Variants in CPED1 observed in about 807,000 individuals in gnomAD.
CPED1 encodes cadherin-like and PC-esterase domain-containing protein 1.
In CPED1, 114 loss-of-function variants were observed where a neutral mutation model predicts 128.2. The observed-to-expected ratio is 0.89, with a 90% CI of 0.76 to 1.04. CPED1 has a LOEUF of 1.04. Ranked by LOEUF, CPED1 falls within the 50% of genes least tolerant of loss-of-function variation. CPED1 has a pLI of 0.00. For missense variants in CPED1, 1,211 were observed against 1,207.1 expected, an observed-to-expected ratio of 1.00 and a Z score of -0.05; for synonymous variants, 462 against 426.7, an observed-to-expected ratio of 1.08 and a Z score of -1.02.
intron 16 of CPED1, among the ~76,000 whole-genome samples, chr7:121,216,839 T>G (rs1797769993): frequency 6.6e-6 from 1 of 152,042 alleles, no homozygotes; most frequent in South Asian, 2.1e-4. Context: ...TCCACAGCAA[T>G]TATCATATTT....
chr7:121,093,583 C>G (rs1794628134), intron 5 of CPED1, among the ~76,000 whole-genome samples: 1 of 152,166 alleles, frequency 6.6e-6, no homozygotes, highest in African/African-American at 2.4e-5. Flanking sequence ...CCTCCACAGA[C>G]TGCATCCACA....
intron 16 of CPED1, among the ~76,000 whole-genome samples, chr7:121,230,456 A>G (rs1798109998): frequency 6.6e-6 from 1 of 152,008 alleles, no homozygotes; most frequent in Non-Finnish European, 1.5e-5. Flanking sequence ...AATAAGAGAT[A>G]TTTTCTTCTT....
Position 121,124,960 on chromosome 7 carries a change from G to A in CPED1, c.1061+487G>A, listed in dbSNP as rs185714425. On this transcript the variant is annotated intron_variant, in intron 8 of 22. Transcript: ENST00000310396. ...TTGTTCTAAGGAAATGTTAAATCTC[G>A]TACGTCAAAAAGTGGGGGAAGCACA... Among the ~76,000 whole-genome samples, 13 of 152,082 alleles carry A rather than the reference G, an allele frequency of 8.5e-5. 1 individual carries two copies. The highest frequency in any genetic ancestry group is 2.2e-4 in the African/African-American group (9 of 41,500).
Position 121,064,322 on chromosome 7 carries a change from T to C in CPED1, c.616+9T>C, listed in dbSNP as rs1222342617. On this transcript the variant is annotated intron_variant, in intron 5 of 22. Transcript: ENST00000310396. ...AGTTAGAAGATTCCCAGGTAATCTT[T>C]CGTTTGCTTCCTTAGGCTTAAACAT... 2.5e-6 allele frequency: 4 copies of C among 1,599,568 alleles called. No individual in the cohort carries two copies. The South Asian group carries it at 3.3e-5, about 13-fold the overall frequency.
At chr7:121,049,329 AAGG>A (rs1206127237) in intron 4 of CPED1, among the ~76,000 whole-genome samples, 7 of 152,180 alleles carry the variant, frequency 4.6e-5, no homozygotes, top group African/African-American at 1.7e-4. Context: ...TGCAACCAAG[AAGG>A]AGGTGTCCTT....
chr7:121,183,868 A>C (rs999659127), intron 16 of CPED1, among the ~76,000 whole-genome samples: 1 of 152,148 alleles, frequency 6.6e-6, no homozygotes, highest in Non-Finnish European at 1.5e-5. Flanking sequence ...ACTGTTTTCC[A>C]TACTTCTTTA....
At chr7:121,138,930 C>CG (rs1404063932) in intron 14 of CPED1, among the ~76,000 whole-genome samples, 3 of 151,614 alleles carry the variant, frequency 2.0e-5, no homozygotes, top group Non-Finnish European at 4.4e-5. Flanking sequence ...GTGCTTATCT[C>CG]GGGGTCTTTA....
At chr7:121,258,344 A>G (rs1208261908) in intron 18 of CPED1, among the ~76,000 whole-genome samples, 1 of 152,098 alleles carries the variant, frequency 6.6e-6, no homozygotes. Flanking sequence ...CAAATGAGAG[A>G]AACAATCATT....
intron 2 of CPED1, among the ~76,000 whole-genome samples, chr7:120,998,032 C>T (rs537235807): frequency 6.1e-4 from 92 of 151,766 alleles, no homozygotes; most frequent in Non-Finnish European, 5.0e-4. Context: ...AGGGAGAATG[C>T]CATGTAATGT....
intron 3 of CPED1, among the ~76,000 whole-genome samples, chr7:121,035,518 T>C (rs1168892110): frequency 1.3e-5 from 2 of 151,842 alleles, no homozygotes; most frequent in African/African-American, 2.4e-5. Context: ...TGAGAAAGAG[T>C]GGCTATAGCT....
At chr7:121,068,837 TG>T (rs2116076271) in intron 5 of CPED1, among the ~76,000 whole-genome samples, 1 of 152,198 alleles carries the variant, frequency 6.6e-6, no homozygotes, top group Admixed American at 6.5e-5. Context: ...TCACATCCCT[TG>T]TAAGTTGGAT....
chr7:121,109,172 G>T (rs763388966), intron 7 of CPED1, among the ~76,000 whole-genome samples: 15 of 152,084 alleles, frequency 9.9e-5, no homozygotes, highest in Non-Finnish European at 1.9e-4. Flanking sequence ...GAGTGCTACT[G>T]AGGCAGCAGA....
At chr7:121,277,905 GC>G (rs1792362592) in intron 22 of CPED1, among the ~76,000 whole-genome samples, 1 of 152,054 alleles carries the variant, frequency 6.6e-6, no homozygotes. Context: ...AGAAGGTGAA[GC>G]CATGGAAAGC....
At chr7:121,036,576 T>C (rs930352870) in intron 3 of CPED1, among the ~76,000 whole-genome samples, 1 of 151,354 alleles carries the variant, frequency 6.6e-6, no homozygotes, top group Admixed American at 6.6e-5. Flanking sequence ...ATTTTTGAAA[T>C]TGCAAATTGT....
chr7:121,170,437 T>C (rs1169572271), intron 16 of CPED1, among the ~76,000 whole-genome samples: 1 of 152,112 alleles, frequency 6.6e-6, no homozygotes, highest in East Asian at 1.9e-4. Context: ...GGTCTTTTGA[T>C]TCACTACAAA....
chr7:121,096,543 T>C (rs1794702753), intron 5 of CPED1, among the ~76,000 whole-genome samples: 1 of 152,132 alleles, frequency 6.6e-6, no homozygotes, highest in African/African-American at 2.4e-5. Flanking sequence ...GCGTTTACCA[T>C]TGACCTGGCA....
intron 16 of CPED1, among the ~76,000 whole-genome samples, chr7:121,210,807 A>G (rs1169003583): frequency 6.6e-6 from 1 of 152,118 alleles, no homozygotes; most frequent in South Asian, 2.1e-4. Flanking sequence ...GAGGGAGTAC[A>G]ATTGAAATGT....
At position 121,038,976 on chromosome 7, in the gene CPED1, T is replaced by G. The variant is rs187107718; in HGVS notation, c.434-7911T>G. Among the ~76,000 whole-genome samples the G allele has an allele frequency of 2.8e-4, 43 of 152,252 alleles. 1 individual carries two copies. In the South Asian group the frequency reaches 5.0e-3, roughly 18 times the overall value. On this transcript the variant is annotated intron_variant, in intron 3 of 22. Coordinates refer to ENST00000310396, the MANE Select transcript of CPED1 (RefSeq NM_024913.5). ...TAACCTGATTATCTGACTGAGGTAA[T>G]GTTTGCTAGGTTTTTCCACTACAAA...
chr7:120,989,050 TA>T (rs1689238223), intron 1 of CPED1, 138 bp downstream of exon 1: 2 of 154,186 alleles, frequency 1.3e-5, no homozygotes, highest in South Asian at 4.0e-4. Context: ...AGTGGGAATT[TA>T]AAACTAAATG....
Sources: allele counts gnomAD v4.1 joint callset (sites outside exome capture counted in the v4.1 genomes callset), GRCh38; gene constraint gnomAD v4.1.1; transcripts MANE v1.5; gene names NCBI Gene and HGNC (gene_info 2026-07-23, HGNC 2026-07-21).